The following DNAJC3 variants were observed in gnomAD, a reference collection of about 807,000 sequenced individuals.
DNAJC3 encodes the protein dnaJ homolog subfamily C member 3.
A neutral mutation model predicts 68.6 loss-of-function variants in DNAJC3; 38 were observed. The observed-to-expected ratio is 0.55, with a 90% CI of 0.43 to 0.73. The LOEUF is 0.73. Ranked by LOEUF, DNAJC3 falls within the 30% of genes least tolerant of loss-of-function variation. DNAJC3 has a pLI of 0.00. For synonymous variants in DNAJC3, 203 were observed against 204.0 expected (o/e 1.00, Z 0.04); for missense variants, 526 against 591.9 (o/e 0.89, Z 1.16).
rs1234297744 is a variant in DNAJC3 at position 95,764,669 on chromosome 13, TATATATATATATATACAC to T, written c.1075+718_1075+735del. Among the ~76,000 whole-genome samples, 1,172 of 124,454 alleles carry T rather than the reference TATATATATATATATACAC, an allele frequency of 9.4e-3. 29 individuals carry two copies. Among genetic ancestry groups the T allele is most frequent in the African/African-American group, 0.037 (1,131 of 30,450 alleles). 81.6% of individuals were successfully genotyped at this position (124,454 alleles called of 152,430 possible). The stretch of plus-strand genomic sequence containing the variant: ...CCATATATATATATATATATATATA[TATATATATATATATACAC>T]ACACACACATATATATATACATATA... On this transcript the variant is annotated intron_variant, in intron 9 of 11. Coordinates refer to ENST00000602402, the MANE Select transcript of DNAJC3 (RefSeq NM_006260.5).
Position 95,792,294 on chromosome 13 carries a change from A to C in DNAJC3, c.*1264A>C. On this transcript the variant is annotated 3_prime_UTR_variant, in exon 12 of 12. Coordinates refer to ENST00000602402, the MANE Select transcript of DNAJC3 (RefSeq NM_006260.5). ...ATACTGAATGCTTTTTCCCTAAAAA[A>C]TGTTAATCAAGAATATTGAATATTT... 6.6e-6 allele frequency: 1 copy of C among 152,258 alleles called. No homozygotes were observed. The highest frequency in any genetic ancestry group is 1.5e-5 in the Non-Finnish European group (1 of 68,042). 9.4% of individuals were successfully genotyped at this position (152,258 alleles called of 1,614,324 possible). A position where few individuals can be genotyped will look rare whatever the true frequency, so the allele number is the denominator to read the frequency against.
At chr13:95,756,243 G>T (rs973282094) in intron 4 of DNAJC3, among the ~76,000 whole-genome samples, 1 of 152,152 alleles carries the variant, frequency 6.6e-6, no homozygotes, top group Non-Finnish European at 1.5e-5. Flanking sequence ...CTCCGATGGG[G>T]TTTATCCGAA....
intron 9 of DNAJC3, 148 bp from the exon 10 acceptor site, chr13:95,785,787 TACTA>T: frequency 1.7e-6 from 1 of 574,362 alleles, no homozygotes. Context: ...TGATCAAAGT[TACTA>T]ACGGGGTATC....
chr13:95,789,823 TTAA>T (rs1231567785), intron 11 of DNAJC3, among the ~76,000 whole-genome samples: 3 of 152,216 alleles, frequency 2.0e-5, no homozygotes, highest in Non-Finnish European at 2.9e-5. Context: ...TTTTTACTTT[TTAA>T]TAATAGCCAT....
At chr13:95,713,594 A>G (rs1881043238) in intron 2 of DNAJC3, among the ~76,000 whole-genome samples, 1 of 152,224 alleles carries the variant, frequency 6.6e-6, no homozygotes, top group African/African-American at 2.4e-5. Flanking sequence ...AATCTAATCA[A>G]ATTCTAGCAC....
At chr13:95,756,076 A>T (rs533540169) in intron 4 of DNAJC3, among the ~76,000 whole-genome samples, 2 of 152,130 alleles carry the variant, frequency 1.3e-5, no homozygotes, top group Non-Finnish European at 2.9e-5. Flanking sequence ...TTAGACTCCA[A>T]TGTTTGAGAG....
intron 9 of DNAJC3, among the ~76,000 whole-genome samples, chr13:95,767,737 T>C (rs1883036338): frequency 6.6e-6 from 1 of 151,072 alleles, no homozygotes; most frequent in Non-Finnish European, 1.5e-5. Context: ...TCGCCCAGGC[T>C]GAAGTGCAGT....
At chr13:95,774,120 T>C (rs1263089016) in intron 9 of DNAJC3, among the ~76,000 whole-genome samples, 2 of 152,232 alleles carry the variant, frequency 1.3e-5, no homozygotes, top group Non-Finnish European at 2.9e-5. Context: ...TTCTGCTCTT[T>C]AGTTCCTTAG....
At chr13:95,695,411 T>A (rs921965529) in intron 1 of DNAJC3, 11 of 152,242 alleles carry the variant, frequency 7.2e-5, no homozygotes, top group Non-Finnish European at 1.3e-4. Context: ...TACACAATCT[T>A]ACGATCCATC....
chr13:95,703,755 A>T (rs1449313051), intron 1 of DNAJC3, among the ~76,000 whole-genome samples: 1 of 152,156 alleles, frequency 6.6e-6, no homozygotes, highest in Non-Finnish European at 1.5e-5. Flanking sequence ...GTGGTAGCTG[A>T]AATATGTGGC....
rs759036116 is a variant in DNAJC3 at position 95,790,898 on chromosome 13, A to T, written c.1383A>T (p.Gly461=). The T allele has an allele frequency of 1.9e-6, 3 of 1,607,538 alleles. No homozygotes were observed. The highest frequency in any genetic ancestry group is 2.5e-6 in the Non-Finnish European group (3 of 1,178,666). ...DPEMRKKFDD[G]EDPLDAESQQ... ...AAATGAGAAAGAAGTTTGACGACGG[A>T]GAAGATCCTTTGGATGCAGAGAGCC... is the stretch of plus-strand genomic sequence containing the variant. The change falls in exon 12 of 12, where the codon GGA becomes GGT. Residue 461 remains glycine (G), a synonymous_variant. Transcript: ENST00000602402.
At chr13:95,712,213 G>C (rs1880993400) in intron 2 of DNAJC3, among the ~76,000 whole-genome samples, 1 of 152,018 alleles carries the variant, frequency 6.6e-6, no homozygotes, top group Non-Finnish European at 1.5e-5. Flanking sequence ...ATCTGTATTG[G>C]TGAGTACACC....
intron 1 of DNAJC3, among the ~76,000 whole-genome samples, chr13:95,697,855 T>C (rs1385090094): frequency 6.6e-6 from 1 of 151,622 alleles, no homozygotes; most frequent in Non-Finnish European, 1.5e-5. Flanking sequence ...TTTCTGGTTA[T>C]TTTTGTGTTG....
intron 4 of DNAJC3, among the ~76,000 whole-genome samples, chr13:95,755,795 A>G (rs1269443892): frequency 6.6e-6 from 1 of 151,432 alleles, no homozygotes; most frequent in East Asian, 1.9e-4. Context: ...AGAATAAAAA[A>G]AAATCCCCCA....
At chr13:95,722,965 T>A (rs1341051461) in intron 2 of DNAJC3, among the ~76,000 whole-genome samples, 1 of 152,022 alleles carries the variant, frequency 6.6e-6, no homozygotes, top group Non-Finnish European at 1.5e-5. Context: ...TCTTTTGTTC[T>A]TTCTTTTTTT....
rs183297366 is a variant in DNAJC3, at chr13:95,793,160, T to G, written c.*2130T>G. On this transcript the variant is annotated 3_prime_UTR_variant, in exon 12 of 12. Transcript: ENST00000602402. Reference sequence around the variant, plus strand: ...ACTGACCTGCAGTTACTTGCCTGTTTTCAGTGAAGAGAGAGAAGCAGCTCT... The same window carrying G: ...ACTGACCTGCAGTTACTTGCCTGTTGTCAGTGAAGAGAGAGAAGCAGCTCT... The G allele has an allele frequency of 1.3e-5, 2 of 152,258 alleles. No homozygotes were observed. The highest frequency in any genetic ancestry group is 4.8e-5 in the African/African-American group (2 of 41,480). The allele number at this position is 152,258 out of a possible 1,614,324, so 9.4% of individuals were successfully genotyped here.
intron 11 of DNAJC3, among the ~76,000 whole-genome samples, chr13:95,787,668 T>TG (rs1487897288): frequency 6.7e-6 from 1 of 149,672 alleles, no homozygotes; most frequent in African/African-American, 2.5e-5. Flanking sequence ...GGCTTATATG[T>TG]GTTTTTTTTT....
chr13:95,758,268 T>C (rs1882723401), intron 5 of DNAJC3, among the ~76,000 whole-genome samples: 1 of 152,002 alleles, frequency 6.6e-6, no homozygotes, highest in Admixed American at 6.6e-5. Flanking sequence ...GCCCAAGAAT[T>C]TGTCGCTGCA....
intron 2 of DNAJC3, among the ~76,000 whole-genome samples, chr13:95,718,425 G>A (rs1024521675): frequency 5.3e-5 from 8 of 152,178 alleles, no homozygotes; most frequent in Admixed American, 2.6e-4. Flanking sequence ...AAATTGAGAC[G>A]GAGTCTCGCA....
Sources: gnomAD v4.1 joint callset for allele counts (sites outside exome capture counted in the v4.1 genomes callset) on GRCh38, gnomAD v4.1.1 for gene constraint, MANE v1.5 for transcripts, NCBI Gene and HGNC (gene_info 2026-07-23, HGNC 2026-07-21) for gene names.